Variants in GRIP1 observed in about 807,000 individuals in gnomAD.
GRIP1 encodes the protein glutamate receptor-interacting protein 1.
A neutral mutation model predicts 129.9 loss-of-function variants in GRIP1; 45 were observed. That is an observed-to-expected ratio of 0.35 (90% CI 0.27 to 0.44). The LOEUF is 0.44. GRIP1 is among the 20% of genes least tolerant of loss of function. The pLI is 1.00. For synonymous variants in GRIP1, 530 were observed against 520.8 expected, an observed-to-expected ratio of 1.02 and a Z score of -0.24; for missense variants, 1,196 against 1,396.8, an observed-to-expected ratio of 0.86 and a Z score of 2.29.
chr12:66,759,801 CT>C (rs970143041), intron 1 of GRIP1, among the ~76,000 whole-genome samples: 5 of 152,200 alleles, frequency 3.3e-5, no homozygotes, highest in African/African-American at 1.2e-4. Context: ...CAACAACTTC[CT>C]CATCTCCACC....
chr12:66,940,033 A>G (rs1302669674), intron 1 of GRIP1, among the ~76,000 whole-genome samples: 1 of 152,198 alleles, frequency 6.6e-6, no homozygotes, highest in Admixed American at 6.5e-5. Context: ...GTATAATATG[A>G]AACAGCAAAA....
intron 1 of GRIP1, among the ~76,000 whole-genome samples, chr12:67,000,620 G>C (rs941036407): frequency 2.0e-5 from 3 of 152,174 alleles, no homozygotes; most frequent in Non-Finnish European, 4.4e-5. Flanking sequence ...TTCTAGTAAA[G>C]AGGATTTTAA....
chr12:67,014,380 C>A (rs2042753297), intron 1 of GRIP1, among the ~76,000 whole-genome samples: 1 of 152,016 alleles, frequency 6.6e-6, no homozygotes, highest in Admixed American at 6.6e-5. Flanking sequence ...TGGTATCAGG[C>A]AGTTAGGAGA....
upstream of GRIP1, among the ~76,000 whole-genome samples, chr12:66,683,456 G>T (rs1002515018): frequency 4.6e-5 from 7 of 152,012 alleles, no homozygotes; most frequent in African/African-American, 1.7e-4. Flanking sequence ...GTGAAAAGTT[G>T]GTGTAATTGC....
chr12:67,018,448 G>A (rs757282037), intron 1 of GRIP1, among the ~76,000 whole-genome samples: 109 of 152,322 alleles, frequency 7.2e-4, no homozygotes, highest in Middle Eastern at 3.4e-3. Flanking sequence ...TGGCAGCTCT[G>A]CCTTCCTCTT....
intron 1 of GRIP1, among the ~76,000 whole-genome samples, chr12:67,006,584 C>CT (rs1397423110): frequency 6.6e-6 from 1 of 151,956 alleles, no homozygotes; most frequent in African/African-American, 2.4e-5. Context: ...GAGATCTTGT[C>CT]TCAAAAAAAT....
intron 15 of GRIP1, among the ~76,000 whole-genome samples, chr12:66,420,086 A>T (rs2057751111): frequency 6.6e-6 from 1 of 152,198 alleles, no homozygotes; most frequent in Non-Finnish European, 1.5e-5. Context: ...GATACAGGTG[A>T]CACTCGGTCT....
chr12:66,880,812 A>G (rs764905081), intron 1 of GRIP1, among the ~76,000 whole-genome samples: 1 of 152,162 alleles, frequency 6.6e-6, no homozygotes, highest in African/African-American at 2.4e-5. Context: ...TTATATAGGC[A>G]GACCCTTAAA....
intron 1 of GRIP1, among the ~76,000 whole-genome samples, chr12:67,004,230 A>G (rs2042594815): frequency 1.3e-5 from 2 of 152,330 alleles, no homozygotes. Context: ...CAAAATGAGT[A>G]CAGTACGACA....
At chr12:67,063,832 CTTTG>C (rs899125935) in intron 1 of GRIP1, among the ~76,000 whole-genome samples, 15 of 152,254 alleles carry the variant, frequency 9.9e-5, no homozygotes, top group African/African-American at 2.6e-4. Flanking sequence ...ACTGAAGCCT[CTTTG>C]TTTGACCACT....
chr12:67,043,380 C>G (rs567272315), intron 1 of GRIP1, among the ~76,000 whole-genome samples: 1 of 152,254 alleles, frequency 6.6e-6, no homozygotes, highest in African/African-American at 2.4e-5. Context: ...TATAACCGTT[C>G]AGCCCTCAAA....
intron 4 of GRIP1, among the ~76,000 whole-genome samples, chr12:66,531,235 CAAAAAAAAA>C (rs1168836647): frequency 2.4e-4 from 4 of 16,446 alleles, no homozygotes; most frequent in Non-Finnish European, 4.0e-4. Flanking sequence ...GACTCTGTCT[CAAAAAAAAA>C]AAAAAAAAAT....
intron 23 of GRIP1, among the ~76,000 whole-genome samples, chr12:66,366,278 C>T (rs928727459): frequency 6.6e-6 from 1 of 152,258 alleles, no homozygotes; most frequent in African/African-American, 2.4e-5. Flanking sequence ...ATACTTCCTC[C>T]GAGGGCTGAG....
At chr12:66,957,034 C>T (rs1304573168) in intron 1 of GRIP1, among the ~76,000 whole-genome samples, 12 of 152,084 alleles carry the variant, frequency 7.9e-5, no homozygotes, top group Admixed American at 7.9e-4. Context: ...AACTGTGTCC[C>T]CCACAAAATT....
At chr12:66,848,571 C>T (rs76112548) in intron 1 of GRIP1, among the ~76,000 whole-genome samples, 8,005 of 152,020 alleles carry the variant, frequency 0.053, 290 homozygotes, top group African/African-American at 0.099. Flanking sequence ...AGAAGGTTTC[C>T]TGGGAGAAAT....
intron 1 of GRIP1, among the ~76,000 whole-genome samples, chr12:66,862,155 G>A (rs2040123383): frequency 6.6e-6 from 1 of 152,092 alleles, no homozygotes. Flanking sequence ...ATTTTCTATG[G>A]AGGATCACAA....
At chr12:66,761,233 A>G (rs76128286) in intron 1 of GRIP1, among the ~76,000 whole-genome samples, 1 of 152,056 alleles carries the variant, frequency 6.6e-6, no homozygotes, top group East Asian at 1.9e-4. Context: ...TCTTAAGTAC[A>G]AGTCTTTTCT....
intron 1 of GRIP1, among the ~76,000 whole-genome samples, chr12:66,736,939 T>C (rs1306001832): frequency 1.3e-5 from 2 of 151,062 alleles, no homozygotes; most frequent in Admixed American, 1.3e-4. Flanking sequence ...TTTTTTGAAA[T>C]TGTGTTAAAA....
intron 24 of GRIP1, among the ~76,000 whole-genome samples, chr12:66,351,419 CT>C (rs1215833441): frequency 1.3e-5 from 2 of 152,152 alleles, no homozygotes; most frequent in Non-Finnish European, 2.9e-5. Context: ...CAAGGTTCAG[CT>C]TTTTGGTTTC....
Sources: allele counts gnomAD v4.1 joint callset (sites outside exome capture counted in the v4.1 genomes callset), GRCh38; gene constraint gnomAD v4.1.1; transcripts MANE v1.5; gene names NCBI Gene and HGNC (gene_info 2026-07-23, HGNC 2026-07-21).